MTMR8: variants seen among roughly 807,000 people sequenced by gnomAD.
MTMR8 encodes myotubularin related protein 8, also known as phosphatidylinositol-3,5-bisphosphate 3-phosphatase MTMR8.
A neutral mutation model predicts 39.3 loss-of-function variants in MTMR8; 65 were observed. The observed-to-expected ratio is 1.65, with a 90% CI of 1.35 to 2.03. The LOEUF is 2.03. MTMR8 is among the 30% of genes most tolerant of loss of function. The pLI is 0.00. For synonymous variants in MTMR8, 245 were observed against 185.2 expected (o/e 1.32, Z -2.62); for missense variants, 777 against 538.9 (o/e 1.44, Z -4.37).
At chrX:64,363,870 G>T (rs1187129121) in intron 1 of MTMR8, among the ~76,000 whole-genome samples, 1 of 111,614 alleles carries the variant, frequency 9.0e-6, no homozygotes, top group Admixed American at 9.5e-5. Flanking sequence ...CTGGAAAATC[G>T]GGACACTCCC....
At chrX:64,371,217 C>A (rs1924124024) in intron 1 of MTMR8, among the ~76,000 whole-genome samples, 1 of 111,599 alleles carries the variant, frequency 9.0e-6, no homozygotes, top group African/African-American at 3.3e-5. Context: ...GTATAAATAG[C>A]TTATTTACAT....
At chrX:64,275,832 C>A (rs745988791) in intron 12 of MTMR8, among the ~76,000 whole-genome samples, 1 of 110,484 alleles carries the variant, frequency 9.1e-6, no homozygotes, top group East Asian at 2.8e-4. Flanking sequence ...ATCATAAGGA[C>A]AACAATGTAC....
chrX:64,310,801 T>G (rs760154367), intron 12 of MTMR8, among the ~76,000 whole-genome samples: 62 of 111,440 alleles, frequency 5.6e-4, no homozygotes, highest in Admixed American at 4.0e-3. Context: ...GTTTCCAGCT[T>G]CATCCATGTC....
chrX:64,371,535 C>T (rs1247122903), intron 1 of MTMR8, among the ~76,000 whole-genome samples: 1 of 108,951 alleles, frequency 9.2e-6, no homozygotes, highest in Non-Finnish European at 1.9e-5. Flanking sequence ...TGACCCAATA[C>T]CCTACTGTTA....
At chrX:64,300,241 T>A (rs1921804459) in intron 12 of MTMR8, among the ~76,000 whole-genome samples, 1 of 110,601 alleles carries the variant, frequency 9.0e-6, no homozygotes, top group Non-Finnish European at 1.9e-5. Context: ...CACTCAGGAC[T>A]TGCTTCATGA....
chrX:64,298,402 T>A (rs1921708088), intron 12 of MTMR8, among the ~76,000 whole-genome samples: 1 of 88,657 alleles, frequency 1.1e-5, no homozygotes, highest in Non-Finnish European at 2.1e-5. Flanking sequence ...TGTATAAGAA[T>A]GCTTGTGATT....
chrX:64,319,618 A>G (rs1201045742), intron 12 of MTMR8, among the ~76,000 whole-genome samples: 2 of 111,975 alleles, frequency 1.8e-5, no homozygotes, highest in African/African-American at 6.5e-5. Context: ...AGCTTTCTAC[A>G]TATGGCTAGC....
intron 3 of MTMR8, 97 bp from the exon 4 acceptor site, chrX:64,355,031 G>A: frequency 1.2e-6 from 1 of 804,909 alleles, no homozygotes; most frequent in Admixed American, 4.1e-5. Context: ...TTTCCTAAGG[G>A]AATGTTTGTC....
At position 64,369,973 on chromosome X, in the gene MTMR8, A is replaced by T. The variant is rs191144540; in HGVS notation, c.25-10446T>A. On this transcript the variant is annotated intron_variant, in intron 1 of 13. Transcript: ENST00000374852. ...ACTAAAATTTCATGTGTATAAAACAACTATCATGTTTTGAAAGATGCATTC... is the reference window on the plus strand; with the variant it reads ...ACTAAAATTTCATGTGTATAAAACATCTATCATGTTTTGAAAGATGCATTC... Among the ~76,000 whole-genome samples, 3 of 111,645 alleles carry T rather than the reference A, an allele frequency of 2.7e-5. No individual in the cohort carries two copies. In the East Asian group the frequency reaches 8.4e-4, roughly 31 times the overall value.
At chrX:64,379,681 T>TTTTAACTTGA (rs1924359787) in intron 1 of MTMR8, among the ~76,000 whole-genome samples, 1 of 111,701 alleles carries the variant, frequency 9.0e-6, no homozygotes, top group South Asian at 3.7e-4. Flanking sequence ...AATGACATCA[T>TTTTAACTTGA]TTTAACTTGA....
chrX:64,347,439 A>G (rs923431830), intron 6 of MTMR8, among the ~76,000 whole-genome samples: 1 of 112,154 alleles, frequency 8.9e-6, no homozygotes, highest in Non-Finnish European at 1.9e-5. Context: ...CTTCTGAGAA[A>G]CTGAAGGATG....
At chrX:64,336,172 A>C (rs1371450982) in intron 9 of MTMR8, 44 bp from the exon 10 acceptor site, 2 of 971,182 alleles carry the variant, frequency 2.1e-6, no homozygotes, top group Non-Finnish European at 1.4e-6. Context: ...GGAAAATCAT[A>C]AAATGAATTA....
intron 1 of MTMR8, among the ~76,000 whole-genome samples, chrX:64,390,712 C>T (rs1296766913): frequency 9.0e-6 from 1 of 111,196 alleles, no homozygotes; most frequent in Non-Finnish European, 1.9e-5. Context: ...AGTGAAGTGG[C>T]ACTATCAGAG....
intron 11 of MTMR8, 56 bp downstream of exon 11, chrX:64,331,501 C>A: frequency 9.1e-7 from 1 of 1,095,336 alleles, no homozygotes; most frequent in Non-Finnish European, 1.3e-6. Context: ...TAGGTACATT[C>A]TTTTTGCACT....
intron 1 of MTMR8, among the ~76,000 whole-genome samples, chrX:64,386,107 AG>A (rs1197431679): frequency 1.8e-5 from 2 of 111,363 alleles, no homozygotes; most frequent in Non-Finnish European, 3.8e-5. Flanking sequence ...AAAAAAAAAA[AG>A]TAACCTGAAG....
intron 12 of MTMR8, among the ~76,000 whole-genome samples, chrX:64,314,242 A>T (rs776733716): frequency 1.8e-5 from 2 of 112,889 alleles, no homozygotes; most frequent in Non-Finnish European, 3.7e-5. Context: ...AGTGGGATTC[A>T]TCTTTGTTTG....
At chrX:64,317,793 G>A (rs1922512620) in intron 12 of MTMR8, among the ~76,000 whole-genome samples, 1 of 112,094 alleles carries the variant, frequency 8.9e-6, no homozygotes, top group Admixed American at 9.4e-5. Flanking sequence ...TTTGGCAGGG[G>A]ATAATAAAGA....
At chrX:64,337,655 A>C (rs1923114050) in intron 8 of MTMR8, among the ~76,000 whole-genome samples, 1 of 111,819 alleles carries the variant, frequency 8.9e-6, no homozygotes, top group South Asian at 3.8e-4. Context: ...GGGAGTTCTA[A>C]ATTCACTAAA....
At chrX:64,328,512 C>T (rs1922856824) in intron 12 of MTMR8, among the ~76,000 whole-genome samples, 1 of 111,356 alleles carries the variant, frequency 9.0e-6, no homozygotes, top group African/African-American at 3.3e-5. Context: ...ATCAAACAAA[C>T]GTTATCTTGA....
Sources: allele counts gnomAD v4.1 joint callset (sites outside exome capture counted in the v4.1 genomes callset), GRCh38; gene constraint gnomAD v4.1.1; transcripts MANE v1.5; gene names NCBI Gene and HGNC (gene_info 2026-07-23, HGNC 2026-07-21).